Variants in ARGLU1 observed in about 807,000 individuals in gnomAD.
ARGLU1 encodes arginine and glutamate rich 1.
A neutral mutation model predicts 37.6 loss-of-function variants in ARGLU1; 9 were observed. The observed-to-expected ratio is 0.24, with a 90% confidence interval of 0.14 to 0.42. The LOEUF (loss-of-function observed/expected upper bound fraction) is 0.42, where lower values mean the gene tolerates loss of function less well. Ranked by LOEUF, ARGLU1 falls within the 10% of genes least tolerant of loss-of-function variation. The pLI is 1.00. For missense variants in ARGLU1, 211 were observed against 359.2 expected, an observed-to-expected ratio of 0.59 and a Z score of 3.34; for synonymous variants, 166 against 138.5, an observed-to-expected ratio of 1.20 and a Z score of -1.39.
At position 106,567,986 on chromosome 13, in the gene ARGLU1, C is replaced by G; in HGVS notation, c.-67G>C. 6.6e-7 allele frequency: 1 copy of G among 1,519,800 alleles called. No individual in the cohort carries two copies. The highest frequency in any genetic ancestry group is 1.4e-5 in the African/African-American group (1 of 69,986). The allele number at this position is 1,519,800 out of a possible 1,614,324, so 94.1% of individuals were successfully genotyped here. On this transcript the variant is annotated 5_prime_UTR_variant, in exon 1 of 4. Coordinates refer to ENST00000400198, the MANE Select transcript of ARGLU1 (RefSeq NM_018011.4). This position sits in a 1 kb window ranked among gnomAD's most constrained non-coding sequence, Gnocchi z 4.3. Reference sequence around the variant, plus strand: ...CGCGGCCAGTTCCCCTCGCCTCCGCCTTCGGACGCGGGCTGGCGGTTCTAC... The same window carrying G: ...CGCGGCCAGTTCCCCTCGCCTCCGCGTTCGGACGCGGGCTGGCGGTTCTAC...
At chr13:106,563,073 G>A (rs1353264943) in intron 1 of ARGLU1, among the ~76,000 whole-genome samples, 3 of 150,156 alleles carry the variant, frequency 2.0e-5, no homozygotes, top group Non-Finnish European at 3.0e-5. Flanking sequence ...AAAACAGTAA[G>A]GCTACAGCAC....
At chr13:106,553,182 A>T (rs28564241) in intron 3 of ARGLU1, among the ~76,000 whole-genome samples, 1 of 152,326 alleles carries the variant, frequency 6.6e-6, no homozygotes, top group South Asian at 2.1e-4. Flanking sequence ...ACTACCAATT[A>T]AGGATAACTA....
chr13:106,558,309 T>C, intron 2 of ARGLU1: 1 of 984,984 alleles, frequency 1.0e-6, no homozygotes, highest in Non-Finnish European at 1.2e-6. Context: ...AATATAAGCA[T>C]GTATATCTAG....
chr13:106,544,706 A>C (rs909827616), intron 3 of ARGLU1, among the ~76,000 whole-genome samples: 3 of 152,174 alleles, frequency 2.0e-5, no homozygotes, highest in Admixed American at 6.5e-5. Context: ...CACACACACA[A>C]AAAAACAGAA....
At chr13:106,564,284 G>A (rs1197664212) in intron 1 of ARGLU1, among the ~76,000 whole-genome samples, 1 of 152,244 alleles carries the variant, frequency 6.6e-6, no homozygotes, top group East Asian at 1.9e-4. Flanking sequence ...ATTACTTATT[G>A]AGAGCTATTA....
chr13:106,559,058 G>A, intron 2 of ARGLU1: 5 of 1,208,274 alleles, frequency 4.1e-6, no homozygotes, highest in Non-Finnish European at 5.2e-6. Flanking sequence ...CAGAGTGACA[G>A]AATAGAAGAA....
Position 106,566,510 on chromosome 13 carries a change from G to T in ARGLU1, c.347+1063C>A, listed in dbSNP as rs137971269. ...GTACGGCTGGTTCAATAGGGAGTTA[G>T]TAGGACTGTTCAAATCTACTTTTCA... On this transcript the variant is annotated intron_variant, in intron 1 of 3. Coordinates refer to ENST00000400198, the MANE Select transcript of ARGLU1 (RefSeq NM_018011.4). 3.9e-3 allele frequency among the ~76,000 whole-genome samples: 587 copies of T among 152,314 alleles called. 7 individuals are homozygous for T. Among genetic ancestry groups the T allele is most frequent in the African/African-American group, 0.014 (563 of 41,564 alleles).
intron 3 of ARGLU1, among the ~76,000 whole-genome samples, chr13:106,552,513 C>T (rs1050663823): frequency 1.3e-5 from 2 of 152,154 alleles, no homozygotes; most frequent in African/African-American, 4.8e-5. Context: ...TTGAGAGTTT[C>T]TTCCTTCTGC....
At chr13:106,551,123 G>C (rs1880521021) in intron 3 of ARGLU1, among the ~76,000 whole-genome samples, 1 of 152,092 alleles carries the variant, frequency 6.6e-6, no homozygotes, top group Non-Finnish European at 1.5e-5. Context: ...AATACCCCTG[G>C]CCTTCTTTCC....
rs534648770 is a variant in ARGLU1 at position 106,546,299 on chromosome 13, T to C, written c.658-2139A>G. On this transcript the variant is annotated intron_variant, in intron 3 of 3. Transcript: ENST00000400198. ...AATTGCCAATGATATCCACTGTCCATGGCATACAGCTTAACTTCCTAAAGT... is the reference window on the plus strand; with the variant it reads ...AATTGCCAATGATATCCACTGTCCACGGCATACAGCTTAACTTCCTAAAGT... Among the ~76,000 whole-genome samples the C allele has an allele frequency of 2.6e-5, 4 of 152,358 alleles. No homozygotes were observed. In the South Asian group the frequency reaches 8.3e-4, roughly 32 times the overall value.
intron 3 of ARGLU1, among the ~76,000 whole-genome samples, chr13:106,553,145 GAAGAA>G (rs1880575895): frequency 6.6e-6 from 1 of 152,198 alleles, no homozygotes; most frequent in South Asian, 2.1e-4. Flanking sequence ...TGTAGAAACT[GAAGAA>G]AAGTATAAAG....
chr13:106,547,573 G>C (rs373815190), intron 3 of ARGLU1, among the ~76,000 whole-genome samples: 1 of 152,094 alleles, frequency 6.6e-6, no homozygotes, highest in Non-Finnish European at 1.5e-5. Flanking sequence ...CCTATGTTCC[G>C]CAATGGAAAA....
intron 3 of ARGLU1, among the ~76,000 whole-genome samples, chr13:106,547,818 A>G (rs946082673): frequency 2.6e-5 from 4 of 152,176 alleles, no homozygotes; most frequent in African/African-American, 9.7e-5. Context: ...CTCTTCCTAA[A>G]AAAACAAAAT....
At chr13:106,544,187 A>G (rs771931263) in intron 3 of ARGLU1, 27 bp from the exon 4 acceptor site, 5 of 1,509,466 alleles carry the variant, frequency 3.3e-6, no homozygotes, top group African/African-American at 1.4e-5. Context: ...AAAATTAATT[A>G]TAGAAATGTA....
intron 3 of ARGLU1, among the ~76,000 whole-genome samples, chr13:106,552,598 C>T (rs765792633): frequency 1.3e-5 from 2 of 151,972 alleles, no homozygotes; most frequent in African/African-American, 4.8e-5. Context: ...TTTCCCTCTC[C>T]AAAAAAGTAA....
At chr13:106,545,921 T>C (rs565834985) in intron 3 of ARGLU1, among the ~76,000 whole-genome samples, 53 of 152,248 alleles carry the variant, frequency 3.5e-4, no homozygotes, top group Non-Finnish European at 6.9e-4. Flanking sequence ...ACCTGGCTAC[T>C]GGACACATCC....
chr13:106,556,994 A>G, intron 3 of ARGLU1, 54 bp downstream of exon 3: 3 of 1,504,692 alleles, frequency 2.0e-6, no homozygotes, highest in Non-Finnish European at 2.8e-6. Context: ...CAAAATCCGA[A>G]AAAAGGAAAT....
chr13:106,557,020 A>C lies in ARGLU1; in HGVS notation c.657+28T>G. On this transcript the variant is annotated intron_variant, in intron 3 of 3. Transcript: ENST00000400198. This position sits in a 1 kb window ranked among gnomAD's most constrained non-coding sequence, Gnocchi z 5.0. ...AAAAGGAAATAAAGCAAAATACAAAACACTTTTCATGTATGCTTTACACTT... is the reference window on the plus strand; with the variant it reads ...AAAAGGAAATAAAGCAAAATACAAACCACTTTTCATGTATGCTTTACACTT... The C allele has an allele frequency of 6.3e-7, 1 of 1,585,010 alleles. No homozygotes were observed. Among genetic ancestry groups the C allele is most frequent in the East Asian group, 2.2e-5 (1 of 44,652 alleles).
chr13:106,548,178 C>CA (rs891927666), intron 3 of ARGLU1, among the ~76,000 whole-genome samples: 8 of 150,160 alleles, frequency 5.3e-5, no homozygotes, highest in East Asian at 3.9e-4. Context: ...TACACTTTGA[C>CA]AAAAAAAAAG....
Sources: gnomAD v4.1 joint callset for allele counts (sites outside exome capture counted in the v4.1 genomes callset) on GRCh38, gnomAD v4.1.1 for gene constraint, Gnocchi (gnomAD v3.1) non-coding constraint, MANE v1.5 for transcripts, NCBI Gene and HGNC (gene_info 2026-07-23, HGNC 2026-07-21) for gene names.